Variants in CAB39L observed in about 807,000 individuals in gnomAD.
The protein encoded by CAB39L is calcium-binding protein 39-like.
In CAB39L, 23 loss-of-function variants were observed where a neutral mutation model predicts 39.1. That is an observed-to-expected ratio of 0.59 (90% CI 0.42 to 0.83). The LOEUF (loss-of-function observed/expected upper bound fraction) is 0.83, where lower values mean the gene tolerates loss of function less well. CAB39L is among the 40% of genes least tolerant of loss of function. The pLI is 0.00. For synonymous variants in CAB39L, 126 were observed against 137.2 expected (o/e 0.92, Z 0.57); for missense variants, 366 against 391.9 (o/e 0.93, Z 0.56).
chr13:49,442,408 T>C (rs769536575), intron 1 of CAB39L, among the ~76,000 whole-genome samples: 1 of 152,214 alleles, frequency 6.6e-6, no homozygotes, highest in Non-Finnish European at 1.5e-5. Flanking sequence ...AAAAGGTATA[T>C]GAACTTTTGT....
chr13:49,313,297 C>A (rs936529745), intron 10 of CAB39L, among the ~76,000 whole-genome samples: 3 of 151,974 alleles, frequency 2.0e-5, no homozygotes, highest in Non-Finnish European at 2.9e-5. Context: ...CTGGCTAACA[C>A]GGTGAAATCC....
chr13:49,349,627 A>G (rs1284611597), intron 7 of CAB39L, among the ~76,000 whole-genome samples: 1 of 151,900 alleles, frequency 6.6e-6, no homozygotes, highest in Admixed American at 6.6e-5. Flanking sequence ...AATCATATCT[A>G]TTTTATTTCT....
At chr13:49,382,320 CTTTTA>C (rs1334525058) in intron 4 of CAB39L, among the ~76,000 whole-genome samples, 1 of 151,948 alleles carries the variant, frequency 6.6e-6, no homozygotes, top group Admixed American at 6.6e-5. Flanking sequence ...TCGTGTATTT[CTTTTA>C]TAGATATCTT....
intron 10 of CAB39L, among the ~76,000 whole-genome samples, chr13:49,314,989 T>C (rs115544017): frequency 2.1e-3 from 315 of 152,320 alleles, no homozygotes; most frequent in African/African-American, 7.0e-3. Context: ...GAAGCTGAGA[T>C]TAATCCCAGG....
chr13:49,427,042 A>G (rs1050730167), intron 3 of CAB39L, among the ~76,000 whole-genome samples: 2 of 152,158 alleles, frequency 1.3e-5, no homozygotes, highest in Admixed American at 1.3e-4. Context: ...TTTCTTTAGC[A>G]TACTTGCTCC....
At chr13:49,415,101 G>A (rs1957059880) in intron 3 of CAB39L, among the ~76,000 whole-genome samples, 1 of 152,108 alleles carries the variant, frequency 6.6e-6, no homozygotes. Context: ...GGACGCTGAG[G>A]TGGGAGAATC....
intron 3 of CAB39L, chr13:49,413,877 C>G (rs1368165620): frequency 1.3e-5 from 2 of 152,184 alleles, no homozygotes; most frequent in East Asian, 1.9e-4. Flanking sequence ...TTCCCTGTGC[C>G]TTTCAAGTTT....
intron 2 of CAB39L, 139 bp from the exon 3 acceptor site, chr13:49,433,532 A>C (rs1442595886): frequency 2.8e-6 from 1 of 358,408 alleles, no homozygotes; most frequent in African/African-American, 2.1e-5. Flanking sequence ...AAATTAAAAC[A>C]GGTAAATTTT....
At chr13:49,440,947 T>A (rs993480825) in intron 1 of CAB39L, among the ~76,000 whole-genome samples, 7 of 152,020 alleles carry the variant, frequency 4.6e-5, no homozygotes, top group Non-Finnish European at 1.0e-4. Context: ...CCAAGAGAGA[T>A]AGTCTGACTT....
chr13:49,425,215 T>C (rs761058782), intron 3 of CAB39L, among the ~76,000 whole-genome samples: 10 of 148,924 alleles, frequency 6.7e-5, no homozygotes, highest in Non-Finnish European at 1.5e-4. Flanking sequence ...AACATTTTTT[T>C]ACTTTACCTT....
rs950900245 is a variant in CAB39L at position 49,417,326 on chromosome 13, C to A, written c.-32+15992G>T. ...TCAATTTCAGAACACTTCCTTTACT[C>A]CTATTTGTATCATCTGCCTACTTGC... On this transcript the variant is annotated intron_variant, in intron 3 of 10. Transcript: ENST00000409308. Among the ~76,000 whole-genome samples the A allele has an allele frequency of 1.1e-4, 16 of 152,176 alleles. 1 individual carries two copies. The highest frequency in any genetic ancestry group is 3.6e-4 in the African/African-American group (15 of 41,434).
At chr13:49,434,934 T>C (rs937795224) in intron 1 of CAB39L, among the ~76,000 whole-genome samples, 2 of 152,194 alleles carry the variant, frequency 1.3e-5, no homozygotes, top group African/African-American at 4.8e-5. Context: ...TCATTCTACT[T>C]TTTTATTTAA....
At chr13:49,405,711 A>AAGAC (rs1432017738) in intron 3 of CAB39L, among the ~76,000 whole-genome samples, 6 of 143,648 alleles carry the variant, frequency 4.2e-5, no homozygotes, top group Admixed American at 1.4e-4. Context: ...GAAAGAAAGA[A>AAGAC]AGAGAGAGAG....
At chr13:49,347,871 T>C (rs1011251710) in intron 7 of CAB39L, among the ~76,000 whole-genome samples, 1 of 151,878 alleles carries the variant, frequency 6.6e-6, no homozygotes, top group African/African-American at 2.4e-5. Context: ...CTCCTTCTTT[T>C]CCTTCCTTCC....
At chr13:49,398,659 T>A (rs951786197) in intron 3 of CAB39L, among the ~76,000 whole-genome samples, 3 of 152,114 alleles carry the variant, frequency 2.0e-5, no homozygotes, top group African/African-American at 7.2e-5. Context: ...TATTGTTTAT[T>A]TCATTATTAT....
At chr13:49,342,467 T>C (rs1207079243) in intron 8 of CAB39L, among the ~76,000 whole-genome samples, 1 of 152,218 alleles carries the variant, frequency 6.6e-6, no homozygotes, top group African/African-American at 2.4e-5. Context: ...CATCATACCA[T>C]ATATATAAAT....
chr13:49,441,080 T>C (rs1202480749), intron 1 of CAB39L, among the ~76,000 whole-genome samples: 2 of 151,910 alleles, frequency 1.3e-5, no homozygotes, highest in African/African-American at 4.8e-5. Flanking sequence ...TTTCATCTTT[T>C]CCTTAAATTC....
chr13:49,394,977 A>G (rs1051021430), intron 3 of CAB39L, among the ~76,000 whole-genome samples: 1 of 152,192 alleles, frequency 6.6e-6, no homozygotes, highest in African/African-American at 2.4e-5. Flanking sequence ...ACAAAAACAC[A>G]AACACACAAA....
intron 1 of CAB39L, 77 bp downstream of exon 1, chr13:49,443,909 G>A (rs1957596688): frequency 6.6e-6 from 3 of 456,514 alleles, no homozygotes; most frequent in South Asian, 4.6e-5. Context: ...CCTCCACTAC[G>A]GCCAGGCGCT....
Sources: gnomAD v4.1 joint callset for allele counts (sites outside exome capture counted in the v4.1 genomes callset) on GRCh38, gnomAD v4.1.1 for gene constraint, MANE v1.5 for transcripts, NCBI Gene and HGNC (gene_info 2026-07-23, HGNC 2026-07-21) for gene names.